Variants in PIK3C2G observed in about 807,000 individuals in gnomAD.
PIK3C2G encodes the protein phosphatidylinositol 3-kinase C2 domain-containing subunit gamma.
PIK3C2G carries 168 observed loss-of-function variants against 181.1 expected under a neutral mutation model. The ratio of observed to expected loss-of-function variants is 0.93; its 90% CI spans 0.82 to 1.05. The LOEUF (loss-of-function observed/expected upper bound fraction) is 1.05, where lower values mean the gene tolerates loss of function less well. Among genes scored for constraint, PIK3C2G ranks in the 50% least tolerant of loss-of-function variants. PIK3C2G has a pLI of 0.00. For missense variants in PIK3C2G, 1,869 were observed against 1,732.8 expected (o/e 1.08, Z -1.40); for synonymous variants, 573 against 592.2 (o/e 0.97, Z 0.47).
In PIK3C2G at chr12:18,563,533, A is replaced by G. The variant is rs758221345; in HGVS notation, c.3902+35A>G. On this transcript the variant is annotated intron_variant, in intron 28 of 32. Coordinates refer to ENST00000538779, the MANE Select transcript of PIK3C2G (RefSeq NM_001288772.2). ...TGTCCTTTTACATTGTTTTGCCTTC[A>G]GTACTTGTCCTTGAGCAAAAAGAAA... is the stretch of plus-strand genomic sequence containing the variant. 5 of 1,603,108 alleles carry G rather than the reference A, an allele frequency of 3.1e-6. No homozygotes were observed. In the African/African-American group the frequency reaches 4.0e-5, roughly 13 times the overall value.
chr12:18,724,772 C>CA, the PIK3C2G span, among the ~76,000 whole-genome samples: 1 of 152,088 alleles, frequency 6.6e-6, no homozygotes, highest in East Asian at 1.9e-4. Flanking sequence ...TCTTATTTGT[C>CA]ATAAAATCTT....
At chr12:18,565,728 G>A (rs1262073279) in intron 28 of PIK3C2G, among the ~76,000 whole-genome samples, 1 of 152,090 alleles carries the variant, frequency 6.6e-6, no homozygotes, top group Non-Finnish European at 1.5e-5. Context: ...CAACTTTCAT[G>A]TACTCATTTA....
chr12:18,602,414 C>T (rs903386535), intron 30 of PIK3C2G, among the ~76,000 whole-genome samples: 2 of 151,474 alleles, frequency 1.3e-5, no homozygotes, highest in Non-Finnish European at 2.9e-5. Flanking sequence ...CACGCCTAGC[C>T]CCACCCCCAC....
At chr12:18,491,409 C>A in intron 19 of PIK3C2G, 42 bp from the exon 20 acceptor site, 3 of 1,041,258 alleles carry the variant, frequency 2.9e-6, no homozygotes, top group Non-Finnish European at 4.4e-6. Flanking sequence ...AAGTCAAGTT[C>A]TTTACATTTT....
chr12:18,381,937 T>G, intron 14 of PIK3C2G, 57 bp downstream of exon 14: 1 of 1,018,568 alleles, frequency 9.8e-7, no homozygotes, highest in South Asian at 1.3e-5. Context: ...TGATACGTAG[T>G]TTGTTGTCAA....
intron 6 of PIK3C2G, among the ~76,000 whole-genome samples, chr12:18,317,466 TAA>T (rs1950919063): frequency 2.0e-5 from 3 of 152,202 alleles, no homozygotes; most frequent in African/African-American, 7.2e-5. Flanking sequence ...ATTTAACAAA[TAA>T]AACTTGTTAC....
the PIK3C2G span, among the ~76,000 whole-genome samples, chr12:18,706,025 G>A: frequency 6.6e-6 from 1 of 151,896 alleles, no homozygotes; most frequent in Non-Finnish European, 1.5e-5. Context: ...TCAGGAGTTC[G>A]AGACCAGGCT....
intron 1 of PIK3C2G, among the ~76,000 whole-genome samples, chr12:18,278,063 GT>G (rs1263211470): frequency 6.6e-6 from 1 of 152,110 alleles, no homozygotes; most frequent in African/African-American, 2.4e-5. Flanking sequence ...TGATTTTCCA[GT>G]TAATTTAGGA....
intron 12 of PIK3C2G, among the ~76,000 whole-genome samples, chr12:18,367,976 A>G (rs1313177781): frequency 6.6e-6 from 1 of 152,180 alleles, no homozygotes; most frequent in African/African-American, 2.4e-5. Flanking sequence ...CTTCTTCACC[A>G]GGTGGCAGGA....
intron 18 of PIK3C2G, among the ~76,000 whole-genome samples, chr12:18,473,575 T>A (rs1482151019): frequency 1.3e-5 from 2 of 152,152 alleles, no homozygotes; most frequent in African/African-American, 4.8e-5. Context: ...AAATAATGTA[T>A]CTAGAGCAGC....
At chr12:18,583,093 A>G (rs1946586151) in intron 29 of PIK3C2G, among the ~76,000 whole-genome samples, 1 of 152,106 alleles carries the variant, frequency 6.6e-6, no homozygotes, top group South Asian at 2.1e-4. Context: ...GCTTTTTCAT[A>G]TGGATTCTGA....
Position 18,556,201 on chromosome 12 carries a change from A to G in PIK3C2G, c.3591-6502A>G, listed in dbSNP as rs114259704. On this transcript the variant is annotated intron_variant, in intron 26 of 32. Transcript: ENST00000538779. ...TAATATAAGGATAATCCAAAGCATA[A>G]TCCTGCTAATGCTGCCATTAAACAA... is the stretch of plus-strand genomic sequence containing the variant. Among the ~76,000 whole-genome samples, 1,155 of 152,236 alleles carry G rather than the reference A, an allele frequency of 7.6e-3. 12 individuals are homozygous for G. The highest frequency in any genetic ancestry group is 0.026 in the African/African-American group (1,095 of 41,548).
At chr12:18,337,741 T>C (rs951911741) in intron 8 of PIK3C2G, among the ~76,000 whole-genome samples, 2 of 152,116 alleles carry the variant, frequency 1.3e-5, no homozygotes, top group African/African-American at 4.8e-5. Flanking sequence ...ACCCAATGCC[T>C]CCCACCAGGC....
intron 31 of PIK3C2G, among the ~76,000 whole-genome samples, chr12:18,632,040 G>A (rs1004125251): frequency 6.6e-6 from 1 of 152,038 alleles, no homozygotes; most frequent in Non-Finnish European, 1.5e-5. Flanking sequence ...TCACAACTGG[G>A]AGGATGATGG....
intron 1 of PIK3C2G, among the ~76,000 whole-genome samples, chr12:18,248,721 G>T (rs2136942650): frequency 6.6e-6 from 1 of 152,078 alleles, no homozygotes; most frequent in South Asian, 2.1e-4. Flanking sequence ...ACACTTTTGG[G>T]TATGCCATGC....
chr12:18,454,400 T>G (rs926785979), intron 18 of PIK3C2G, among the ~76,000 whole-genome samples: 2 of 152,040 alleles, frequency 1.3e-5, no homozygotes, highest in Non-Finnish European at 2.9e-5. Context: ...CATGAAGATA[T>G]TGGGTGAGGT....
chr12:18,724,721 C>T, the PIK3C2G span, among the ~76,000 whole-genome samples: 31 of 152,064 alleles, frequency 2.0e-4, no homozygotes, highest in East Asian at 4.3e-3. Flanking sequence ...TCTGTGGAAG[C>T]GGATGTTATA....
chr12:18,725,309 A>G, the PIK3C2G span, among the ~76,000 whole-genome samples: 1 of 152,116 alleles, frequency 6.6e-6, no homozygotes, highest in South Asian at 2.1e-4. Flanking sequence ...AAGCAATAAG[A>G]AAGAAGGTGC....
At chr12:18,692,668 T>A in the PIK3C2G span, 630 of 660,792 alleles carry the variant, frequency 9.5e-4, 2 homozygotes, top group African/African-American at 0.011. Flanking sequence ...AAAAATCATT[T>A]CTACATTGAA....
Sources: allele counts gnomAD v4.1 joint callset (sites outside exome capture counted in the v4.1 genomes callset), GRCh38; gene constraint gnomAD v4.1.1; transcripts MANE v1.5; gene names NCBI Gene and HGNC (gene_info 2026-07-23, HGNC 2026-07-21).